MLLT10: variants seen among roughly 807,000 people sequenced by gnomAD.
MLLT10 encodes the protein protein AF-10.
MLLT10 carries 30 observed loss-of-function variants against 129.1 expected under a neutral mutation model. The ratio of observed to expected loss-of-function variants is 0.23; its 90% CI spans 0.17 to 0.32. The LOEUF (loss-of-function observed/expected upper bound fraction) is 0.32, where lower values mean the gene tolerates loss of function less well. Among genes scored for constraint, MLLT10 ranks in the 10% least tolerant of loss-of-function variants. The pLI, the probability that MLLT10 is intolerant of heterozygous loss-of-function variation, is 1.00. For synonymous variants in MLLT10, 490 were observed against 446.4 expected, an observed-to-expected ratio of 1.10 and a Z score of -1.23; for missense variants, 1,119 against 1,268.3, an observed-to-expected ratio of 0.88 and a Z score of 1.79.
Position 21,732,968 on chromosome 10 carries a change from A to T in MLLT10, c.2288A>T (p.Asn763Ile). The change falls in exon 18 of 23, where the codon AAC becomes ATC. Residue 763 changes from asparagine (N) to isoleucine (I), a missense_variant. Around this residue, in one of 5 missense-constraint regions of MLLT10, gnomAD observed 1,004 missense variants for 1,008.7 expected, o/e 1.00. Transcript: ENST00000307729. ...CGAAGATTAGAGGAACAAATTAAAA[A>T]CTTGACTGCCAAAAAGGAACGGCTT... ...ENRRLEEQIKNLTAKKERLQL... is the reference protein window; with the variant it reads ...ENRRLEEQIKILTAKKERLQL... 6.2e-7 allele frequency: 1 copy of T among 1,614,068 alleles called. No homozygotes were observed. The highest frequency in any genetic ancestry group is 8.5e-7 in the Non-Finnish European group (1 of 1,179,996).
chr10:21,696,337 A>C (rs2054360387), intron 13 of MLLT10, among the ~76,000 whole-genome samples: 1 of 151,894 alleles, frequency 6.6e-6, no homozygotes, highest in Admixed American at 6.5e-5. Flanking sequence ...CACAGCCCTC[A>C]GGAGATCCTG....
chr10:21,718,882 C>A (rs983971732), intron 14 of MLLT10, among the ~76,000 whole-genome samples: 1 of 152,180 alleles, frequency 6.6e-6, no homozygotes, highest in South Asian at 2.1e-4. Context: ...CACCACCACG[C>A]CTGGCTAATT....
chr10:21,682,217 C>CT lies in MLLT10; in HGVS notation c.1667-6dup. 1 of 1,607,514 alleles carries CT rather than the reference C, an allele frequency of 6.2e-7. No homozygotes were observed. The highest frequency in any genetic ancestry group is 8.5e-7 in the Non-Finnish European group (1 of 1,177,494). ...TTAACCTGAAGTCCTTTTTTCCTTA[C>CT]TTAAAAGCGTTCTCAGAGTTGCTGA... On this transcript the variant is annotated splice_region_variant and splice_polypyrimidine_tract_variant and intron_variant, in intron 12 of 22. Coordinates refer to ENST00000307729, the MANE Select transcript of MLLT10 (RefSeq NM_001195626.3).
intron 3 of MLLT10, among the ~76,000 whole-genome samples, chr10:21,540,589 G>A (rs1362377632): frequency 6.6e-6 from 1 of 151,934 alleles, no homozygotes; most frequent in African/African-American, 2.4e-5. Flanking sequence ...GTATCCACAA[G>A]CATTTTTCCC....
At chr10:21,556,800 C>G (rs781190832) in intron 3 of MLLT10, 1 of 1,579,526 alleles carries the variant, frequency 6.3e-7, no homozygotes, top group South Asian at 1.2e-5. Context: ...GCTTGTCTTA[C>G]TACAGCAGCT....
chr10:21,594,416 G>A (rs550998551), intron 4 of MLLT10, among the ~76,000 whole-genome samples: 1 of 151,918 alleles, frequency 6.6e-6, no homozygotes, highest in African/African-American at 2.4e-5. Flanking sequence ...GGGTGTGGTG[G>A]TGCATGCCTG....
At chr10:21,678,093 A>C (rs938436957) in intron 11 of MLLT10, among the ~76,000 whole-genome samples, 8 of 151,856 alleles carry the variant, frequency 5.3e-5, no homozygotes, top group African/African-American at 1.2e-4. Context: ...TTTATTTGTA[A>C]AGCTTTTCTT....
intron 2 of MLLT10, among the ~76,000 whole-genome samples, chr10:21,535,426 C>G (rs1365811032): frequency 6.6e-6 from 1 of 152,186 alleles, no homozygotes; most frequent in East Asian, 1.9e-4. Context: ...TGGCGGAGTC[C>G]GTTGCTGACC....
chr10:21,689,163 G>A (rs2053577978), intron 13 of MLLT10, among the ~76,000 whole-genome samples: 1 of 151,932 alleles, frequency 6.6e-6, no homozygotes, highest in African/African-American at 2.4e-5. Flanking sequence ...GAATATATTA[G>A]GTTCTTTCTT....
At chr10:21,717,482 TTCCTCCTCCTCCTCCTCC>T (rs766780330) in intron 14 of MLLT10, among the ~76,000 whole-genome samples, 2 of 115,372 alleles carry the variant, frequency 1.7e-5, no homozygotes, top group East Asian at 2.7e-4. Flanking sequence ...TATTCTTATA[TTCCTCCTCCTCCTCCTCC>T]TCCTCCTCCT....
intron 3 of MLLT10, among the ~76,000 whole-genome samples, chr10:21,548,246 C>G (rs1477375852): frequency 6.6e-6 from 1 of 152,018 alleles, no homozygotes; most frequent in Non-Finnish European, 1.5e-5. Flanking sequence ...TTTTTATTTT[C>G]TACTCTGTCT....
intron 5 of MLLT10, among the ~76,000 whole-genome samples, chr10:21,605,471 G>C (rs752546512): frequency 4.6e-5 from 7 of 151,724 alleles, no homozygotes; most frequent in Non-Finnish European, 1.0e-4. Flanking sequence ...TTTGAGATAG[G>C]GTCTTGCTCT....
chr10:21,611,826 A>G (rs1234907807), intron 5 of MLLT10, among the ~76,000 whole-genome samples: 4 of 152,228 alleles, frequency 2.6e-5, no homozygotes, highest in African/African-American at 9.6e-5. Context: ...GCTGAATGAC[A>G]GCCTACCCGT....
chr10:21,586,168 A>G lies in MLLT10; in HGVS notation c.241-126A>G, dbSNP rs370231612. The G allele has an allele frequency of 2.6e-5, 19 of 736,084 alleles. No homozygotes were observed. In the East Asian group the frequency reaches 3.8e-4, roughly 15 times the overall value. 45.6% of individuals were successfully genotyped at this position (736,084 alleles called of 1,614,324 possible). A position where few individuals can be genotyped will look rare whatever the true frequency, so the allele number is the denominator to read the frequency against. ...CTGTTTGTGAAGAATGTTCTGAAATATTCTTGGGGGGCAACTAGGACAAAT... is the reference window on the plus strand; with the variant it reads ...CTGTTTGTGAAGAATGTTCTGAAATGTTCTTGGGGGGCAACTAGGACAAAT... On this transcript the variant is annotated intron_variant, in intron 3 of 22. Coordinates refer to ENST00000307729, the MANE Select transcript of MLLT10 (RefSeq NM_001195626.3).
intron 9 of MLLT10, among the ~76,000 whole-genome samples, chr10:21,668,311 T>C (rs554703643): frequency 1.2e-4 from 19 of 152,240 alleles, no homozygotes; most frequent in Middle Eastern, 3.4e-3. Context: ...TCTGGTCTCC[T>C]TTTACCTGTC....
intron 8 of MLLT10, among the ~76,000 whole-genome samples, chr10:21,626,725 C>G (rs1163980820): frequency 6.6e-6 from 1 of 152,130 alleles, no homozygotes; most frequent in East Asian, 1.9e-4. Flanking sequence ...TCAGTCATAT[C>G]ATTGGAATGA....
intron 8 of MLLT10, 102 bp downstream of exon 8, chr10:21,617,309 A>C (rs2045363796): frequency 2.3e-6 from 1 of 442,736 alleles, no homozygotes. Context: ...AAATGGAGAC[A>C]TTGAAATATA....
At chr10:21,641,599 G>A (rs2131295760) in intron 8 of MLLT10, among the ~76,000 whole-genome samples, 1 of 152,220 alleles carries the variant, frequency 6.6e-6, no homozygotes, top group Non-Finnish European at 1.5e-5. Context: ...AGGCTGCAGT[G>A]AGCTATGATC....
Position 21,672,168 on chromosome 10 carries a change from A to AGTGTGTGTGTGTGTGT in MLLT10, c.1052-1155_1052-1140dup, listed in dbSNP as rs55769872. On this transcript the variant is annotated intron_variant, in intron 10 of 22. Transcript: ENST00000307729. ...ACACTAACCTGTTTTCCAGGTTTTC[A>AGTGTGTGTGTGTGTGT]GTGTGTGTGTGTGTGTGTGTGTGTG... 3.6e-3 allele frequency among the ~76,000 whole-genome samples: 489 copies of AGTGTGTGTGTGTGTGT among 134,366 alleles called. 6 individuals carry two copies. Among genetic ancestry groups the AGTGTGTGTGTGTGTGT allele is most frequent in the African/African-American group, 0.012 (432 of 34,594 alleles). 88.1% of individuals were successfully genotyped at this position (134,366 alleles called of 152,430 possible).
Sources: allele counts gnomAD v4.1 joint callset (sites outside exome capture counted in the v4.1 genomes callset), GRCh38; gene constraint gnomAD v4.1.1; regional missense constraint gnomAD v4.1.1; transcripts MANE v1.5; gene names NCBI Gene and HGNC (gene_info 2026-07-23, HGNC 2026-07-21).